The following VSTM2B variants were observed in gnomAD, a reference collection of about 807,000 sequenced individuals.
VSTM2B encodes the protein V-set and transmembrane domain containing 2B.
In VSTM2B, 24 loss-of-function variants were observed where a neutral mutation model predicts 24.0. The ratio of observed to expected loss-of-function variants is 1.00; its 90% CI spans 0.72 to 1.40. VSTM2B has a LOEUF of 1.40. VSTM2B is among the 40% of genes most tolerant of loss of function. The pLI is 0.00. For missense variants in VSTM2B, 399 were observed against 416.4 expected (o/e 0.96, Z 0.36); for synonymous variants, 226 against 194.4 (o/e 1.16, Z -1.35).
intron 4 of VSTM2B, among the ~76,000 whole-genome samples, chr19:29,562,651 G>C (rs968178600): frequency 6.6e-6 from 1 of 152,302 alleles, no homozygotes; most frequent in East Asian, 1.9e-4. Flanking sequence ...GGTTTTGGCA[G>C]CACCAAGGAT....
intron 3 of VSTM2B, among the ~76,000 whole-genome samples, chr19:29,529,366 T>G (rs1599874885): frequency 6.7e-6 from 1 of 150,222 alleles, no homozygotes; most frequent in South Asian, 2.1e-4. Context: ...CTCCGGGAGG[T>G]GAGGAGGGCC....
chr19:29,546,831 CTG>C (rs1970168948), intron 4 of VSTM2B, among the ~76,000 whole-genome samples: 1 of 152,256 alleles, frequency 6.6e-6, no homozygotes, highest in Admixed American at 6.5e-5. Context: ...AGATGGAAAA[CTG>C]GAGAGGAGGT....
At chr19:29,535,301 C>G (rs771439579) in intron 4 of VSTM2B, among the ~76,000 whole-genome samples, 1 of 152,254 alleles carries the variant, frequency 6.6e-6, no homozygotes, top group South Asian at 2.1e-4. Flanking sequence ...GAAAAGGCAC[C>G]GCAGTAAAGT....
chr19:29,559,574 T>C (rs10416728), intron 4 of VSTM2B, among the ~76,000 whole-genome samples: 13,563 of 152,234 alleles, frequency 0.089, 1,275 homozygotes, highest in African/African-American at 0.24. Context: ...CAAAGCTGCA[T>C]ATTCTGCACA....
intron 4 of VSTM2B, among the ~76,000 whole-genome samples, chr19:29,560,554 TG>T (rs1238570306): frequency 3.3e-5 from 5 of 152,056 alleles, no homozygotes; most frequent in Non-Finnish European, 5.9e-5. Flanking sequence ...CCTGGCCACC[TG>T]TACAGACATC....
At chr19:29,562,378 GTC>G (rs1419304271) in intron 4 of VSTM2B, among the ~76,000 whole-genome samples, 1 of 152,194 alleles carries the variant, frequency 6.6e-6, no homozygotes, top group South Asian at 2.1e-4. Context: ...GAAGCCTCAA[GTC>G]TCTGTTTATT....
intron 4 of VSTM2B, among the ~76,000 whole-genome samples, chr19:29,546,792 C>A (rs548391927): frequency 2.2e-4 from 34 of 152,140 alleles, no homozygotes; most frequent in African/African-American, 7.2e-4. Flanking sequence ...CATTAAAGGG[C>A]CATTGGGGGC....
chr19:29,541,401 G>T (rs1305210770), intron 4 of VSTM2B, among the ~76,000 whole-genome samples: 1 of 152,094 alleles, frequency 6.6e-6, no homozygotes, highest in African/African-American at 2.4e-5. Context: ...ACAAGTAGCT[G>T]GTGGGTGAGT....
At chr19:29,527,453 G>C (rs182273937) in intron 2 of VSTM2B, 58 bp downstream of exon 2, 6 of 1,389,156 alleles carry the variant, frequency 4.3e-6, no homozygotes, top group Non-Finnish European at 5.6e-6. Context: ...GGGCGGCGAA[G>C]GCTAACCCAG....
intron 3 of VSTM2B, 99 bp from the exon 4 acceptor site, chr19:29,529,720 G>T: frequency 8.4e-7 from 1 of 1,195,588 alleles, no homozygotes; most frequent in Non-Finnish European, 1.2e-6. Context: ...GATCCGGGAA[G>T]TGTTGGGGTG....
chr19:29,553,410 A>G (rs1970330748), intron 4 of VSTM2B, among the ~76,000 whole-genome samples: 1 of 152,224 alleles, frequency 6.6e-6, no homozygotes, highest in Non-Finnish European at 1.5e-5. Flanking sequence ...AGCAACAACA[A>G]CAGCATCAAC....
Position 29,526,472 on chromosome 19 carries a change from G to T in VSTM2B, c.-112G>T, listed in dbSNP as rs1457530730. ...CGGCCAGGGGAGGGGGCGCCGCGCG[G>T]GGCCATGGCAGGCTCGGAGGCGTCC... On this transcript the variant is annotated 5_prime_UTR_variant, in exon 1 of 5. Transcript: ENST00000335523. The surrounding 1 kb of genome is among the most constrained non-coding windows in gnomAD (Gnocchi z 4.1). The T allele has an allele frequency of 1.4e-4, 88 of 612,364 alleles. No homozygotes were observed. The highest frequency in any genetic ancestry group is 1.9e-4 in the Non-Finnish European group (84 of 439,144). The allele number at this position is 612,364 out of a possible 1,614,324, so 37.9% of individuals were successfully genotyped here. A position where few individuals can be genotyped will look rare whatever the true frequency, so the allele number is the denominator to read the frequency against.
At chr19:29,553,482 A>G (rs1351458964) in intron 4 of VSTM2B, among the ~76,000 whole-genome samples, 1 of 152,262 alleles carries the variant, frequency 6.6e-6, no homozygotes, top group Non-Finnish European at 1.5e-5. Context: ...TTGAAGCTAC[A>G]TAAACTCACA....
chr19:29,557,337 T>C (rs1053671747), intron 4 of VSTM2B, among the ~76,000 whole-genome samples: 1 of 152,212 alleles, frequency 6.6e-6, no homozygotes, highest in African/African-American at 2.4e-5. Context: ...TGGCTAGCCA[T>C]ATGCAGAAAA....
At chr19:29,530,736 G>C (rs1000075523) in intron 4 of VSTM2B, among the ~76,000 whole-genome samples, 7 of 152,146 alleles carry the variant, frequency 4.6e-5, no homozygotes, top group South Asian at 2.1e-4. Context: ...CTTGAGTTGC[G>C]TTGGTTTCTA....
intron 4 of VSTM2B, among the ~76,000 whole-genome samples, chr19:29,554,971 C>A (rs1970374141): frequency 6.6e-6 from 1 of 152,268 alleles, no homozygotes; most frequent in East Asian, 1.9e-4. Context: ...TAGTGGGAGA[C>A]TTTAACACCC....
intron 4 of VSTM2B, among the ~76,000 whole-genome samples, chr19:29,542,959 C>T (rs1291862106): frequency 6.6e-6 from 1 of 152,134 alleles, no homozygotes; most frequent in African/African-American, 2.4e-5. Flanking sequence ...TGAACCTAGA[C>T]AGAGGGGAAG....
At chr19:29,539,093 C>G (rs1339241985) in intron 4 of VSTM2B, among the ~76,000 whole-genome samples, 1 of 152,012 alleles carries the variant, frequency 6.6e-6, no homozygotes, top group South Asian at 2.1e-4. Flanking sequence ...GTGCCACATC[C>G]CCATACTAGT....
intron 4 of VSTM2B, among the ~76,000 whole-genome samples, chr19:29,554,643 G>A (rs569112234): frequency 6.6e-6 from 1 of 152,170 alleles, no homozygotes; most frequent in Non-Finnish European, 1.5e-5. Flanking sequence ...AAAGAGTCAG[G>A]ACCCATTGGT....
Sources: allele counts gnomAD v4.1 joint callset (sites outside exome capture counted in the v4.1 genomes callset), GRCh38; gene constraint gnomAD v4.1.1; non-coding constraint Gnocchi (gnomAD v3.1); transcripts MANE v1.5; gene names NCBI Gene and HGNC (gene_info 2026-07-23, HGNC 2026-07-21).